The following IL21R variants were observed in gnomAD, a reference collection of about 807,000 sequenced individuals.
The protein encoded by IL21R is interleukin-21 receptor.
In IL21R, 14 loss-of-function variants were observed where a neutral mutation model predicts 41.3. The ratio of observed to expected loss-of-function variants is 0.34; its 90% CI spans 0.22 to 0.53. The LOEUF (loss-of-function observed/expected upper bound fraction) is 0.53. Among genes scored for constraint, IL21R ranks in the 20% least tolerant of loss-of-function variants. The probability of loss-of-function intolerance (pLI) is 0.94; values close to 1 mark genes in which losing one functional copy is unlikely to be tolerated. For missense variants in IL21R, 588 were observed against 681.6 expected (o/e 0.86, Z 1.53); for synonymous variants, 286 against 287.6 (o/e 0.99, Z 0.05).
At position 27,430,081 on chromosome 16, in the gene IL21R, G is replaced by C; in HGVS notation, c.10G>C (p.Gly4Arg). The change falls in exon 2 of 9, where the codon GGC becomes CGC. Residue 4 changes from glycine (G) to arginine (R), a missense_variant. By Grantham distance (125) the Gly-to-Arg change is moderately radical. Transcript: ENST00000337929. ...GCCCGTGGGAGTCAGCATGCCGCGT[G>C]GCTGGGCCGCCCCCTTGCTCCTGCT... is the stretch of plus-strand genomic sequence containing the variant. MPR[G>R]WAAPLLLLLL... 6.2e-7 allele frequency: 1 copy of C among 1,606,150 alleles called. No homozygotes were observed. Among genetic ancestry groups the C allele is most frequent in the South Asian group, 1.1e-5 (1 of 90,994 alleles).
At chr16:27,422,537 C>G (rs2087014512) in intron 1 of IL21R, among the ~76,000 whole-genome samples, 1 of 152,092 alleles carries the variant, frequency 6.6e-6, no homozygotes, top group South Asian at 2.1e-4. Context: ...TTTACTAATC[C>G]TCTCTTCTGA....
chr16:27,423,344 A>G (rs1415996956), intron 1 of IL21R, among the ~76,000 whole-genome samples: 1 of 152,112 alleles, frequency 6.6e-6, no homozygotes, highest in East Asian at 1.9e-4. Flanking sequence ...TTACAAAACT[A>G]AGCCTCACTT....
chr16:27,434,793 G>A (rs1443122085), intron 3 of IL21R, among the ~76,000 whole-genome samples: 2 of 152,132 alleles, frequency 1.3e-5, no homozygotes, highest in African/African-American at 4.8e-5. Context: ...TACAGATGAG[G>A]ACATTGAGGT....
At chr16:27,405,868 T>A (rs913431733) in intron 1 of IL21R, among the ~76,000 whole-genome samples, 1 of 152,264 alleles carries the variant, frequency 6.6e-6, no homozygotes, top group African/African-American at 2.4e-5. Flanking sequence ...GGCCCCCGAC[T>A]GCCCAGGACA....
chr16:27,425,267 G>A lies in IL21R; in HGVS notation c.-16-4789G>A, dbSNP rs1041734525. Among the ~76,000 whole-genome samples, 8 of 152,208 alleles carry A rather than the reference G, an allele frequency of 5.3e-5. No individual in the cohort carries two copies. The South Asian group carries it at 8.3e-4, about 16-fold the overall frequency. ...CTGTTGCCCTCAGGGGTCAGCCTGC[G>A]TGCAAAGACCCAAAAGGGGATGGAT... On this transcript the variant is annotated intron_variant, in intron 1 of 8. Transcript: ENST00000337929.
chr16:27,438,929 GGT>G (rs60330499), intron 4 of IL21R, among the ~76,000 whole-genome samples: 9,122 of 148,300 alleles, frequency 0.062, 860 homozygotes, highest in African/African-American at 0.2. Context: ...GCTTTGGCAT[GGT>G]GTGTGTGTGT....
chr16:27,448,669 C>A lies in IL21R; in HGVS notation c.1003C>A (p.Gln335Lys), dbSNP rs954730051. ...CAAGAGGCTGCAGCTCACGGAGCTA[C>A]AAGAACCAGCAGAGCTGGTGGAGTC... ...PAKRLQLTEL[Q>K]EPAELVESDG... The change falls in exon 9 of 9, where the codon CAA becomes AAA. Residue 335 changes from glutamine (Q) to lysine (K), a missense_variant. Physicochemically the swap from Gln to Lys is moderately conservative, Grantham distance 53 (BLOSUM62 1). Coordinates refer to ENST00000337929, the MANE Select transcript of IL21R (RefSeq NM_181078.3). 6.2e-7 allele frequency: 1 copy of A among 1,613,138 alleles called. No homozygotes were observed. The highest frequency in any genetic ancestry group is 1.3e-5 in the African/African-American group (1 of 75,048).
At chr16:27,403,354 T>G in intron 1 of IL21R, 1 of 833,606 alleles carries the variant, frequency 1.2e-6, no homozygotes, top group Non-Finnish European at 1.7e-6. Flanking sequence ...AACTTAGGAC[T>G]TGCCGCAGGA....
At chr16:27,405,860 C>A (rs2086735975) in intron 1 of IL21R, among the ~76,000 whole-genome samples, 1 of 152,264 alleles carries the variant, frequency 6.6e-6, no homozygotes, top group Admixed American at 6.5e-5. Flanking sequence ...ACAAGGAGGG[C>A]CCCCGACTGC....
Position 27,449,022 on chromosome 16 carries a change from C to T in IL21R, c.1356C>T (p.Pro452=), listed in dbSNP as rs958129012. ...LGSLLDRLKP[P]LADGEDWAGG... is the part of the protein sequence containing the mutation. ...GCCTCCTGGACAGACTAAAGCCACCCCTTGCAGATGGGGAGGACTGGGCTG... is the reference window on the plus strand; with the variant it reads ...GCCTCCTGGACAGACTAAAGCCACCTCTTGCAGATGGGGAGGACTGGGCTG... Residue 452 remains proline (P), a synonymous_variant, in exon 9 of 9, where the codon CCC becomes CCT. Transcript: ENST00000337929. 1.2e-6 allele frequency: 2 copies of T among 1,612,266 alleles called. No homozygotes were observed. Among genetic ancestry groups the T allele is most frequent in the Non-Finnish European group, 8.5e-7 (1 of 1,179,652 alleles).
chr16:27,420,910 C>G (rs910180749), intron 1 of IL21R, among the ~76,000 whole-genome samples: 1 of 152,056 alleles, frequency 6.6e-6, no homozygotes, highest in African/African-American at 2.4e-5. Context: ...AGATTTACAC[C>G]TAGGTTTATT....
At chr16:27,417,163 C>CTTTTTTTTTTTTTTTTT (rs577149386) in intron 1 of IL21R, among the ~76,000 whole-genome samples, 6 of 126,604 alleles carry the variant, frequency 4.7e-5, no homozygotes, top group East Asian at 2.2e-4. Context: ...TTTTTCTTTT[C>CTTTTTTTTTTTTTTTTT]TTTTTTTTTT....
At chr16:27,403,617 A>G (rs767649787) in intron 1 of IL21R, among the ~76,000 whole-genome samples, 2 of 152,158 alleles carry the variant, frequency 1.3e-5, no homozygotes, top group Non-Finnish European at 2.9e-5. Flanking sequence ...GGACCAAGGT[A>G]CCCCCATCCT....
chr16:27,445,597 C>A (rs914439057), intron 7 of IL21R, among the ~76,000 whole-genome samples: 4 of 152,138 alleles, frequency 2.6e-5, no homozygotes, highest in Non-Finnish European at 4.4e-5. Flanking sequence ...AAACAGGGAC[C>A]TCAGCTGTGA....
chr16:27,441,185 G>C (rs2087383347), intron 4 of IL21R, among the ~76,000 whole-genome samples: 1 of 152,158 alleles, frequency 6.6e-6, no homozygotes, highest in Non-Finnish European at 1.5e-5. Context: ...ACTCCTCTCT[G>C]ACACTAATAG....
intron 1 of IL21R, among the ~76,000 whole-genome samples, chr16:27,417,237 C>T (rs2086904825): frequency 6.7e-6 from 1 of 148,848 alleles, no homozygotes; most frequent in African/African-American, 2.5e-5. Context: ...AAACAGCTCA[C>T]TGTAGCCTCA....
intron 4 of IL21R, among the ~76,000 whole-genome samples, chr16:27,440,888 TA>T (rs1459459895): frequency 1.3e-5 from 2 of 151,558 alleles, no homozygotes; most frequent in Non-Finnish European, 2.9e-5. Context: ...ACTTCTCTAC[TA>T]AAAATACAAA....
intron 4 of IL21R, among the ~76,000 whole-genome samples, chr16:27,437,900 G>A (rs1234732980): frequency 6.6e-6 from 1 of 152,172 alleles, no homozygotes; most frequent in Non-Finnish European, 1.5e-5. Flanking sequence ...CTGGGCTCCA[G>A]CGATCCACTT....
chr16:27,445,188 G>A lies in IL21R; in HGVS notation c.697G>A (p.Gly233Ser), dbSNP rs1331825123. ...TGCTTCCTTCCCAGAGTTAAAGGAA[G>A]GCTGGAACCCTCACCTGCTGCTTCT... ...FQTQSEELKEGWNPHLLLLLL... is the reference protein window; with the variant it reads ...FQTQSEELKESWNPHLLLLLL... Residue 233 changes from glycine (G) to serine (S), a missense_variant, in exon 7 of 9, where the codon GGC becomes AGC. By Grantham distance (56) the Gly-to-Ser change is moderately conservative (BLOSUM62 0). Transcript: ENST00000337929. The A allele has an allele frequency of 2.7e-5, 44 of 1,613,548 alleles. No individual in the cohort carries two copies. The highest frequency in any genetic ancestry group is 3.7e-5 in the Non-Finnish European group (44 of 1,179,558).
Sources: allele counts gnomAD v4.1 joint callset (sites outside exome capture counted in the v4.1 genomes callset), GRCh38; gene constraint gnomAD v4.1.1; transcripts MANE v1.5; gene names NCBI Gene and HGNC (gene_info 2026-07-23, HGNC 2026-07-21).